FBXL17: variants seen among roughly 807,000 people sequenced by gnomAD.
The protein encoded by FBXL17 is F-box/LRR-repeat protein 17.
Under a neutral mutation model 66.2 loss-of-function variants are expected in FBXL17, and 22 were observed. The observed-to-expected ratio is 0.33, with a 90% CI of 0.24 to 0.47. FBXL17 has a LOEUF of 0.47. Among genes scored for constraint, FBXL17 ranks in the 20% least tolerant of loss-of-function variants. FBXL17 has a pLI of 1.00. For synonymous variants in FBXL17, 474 were observed against 400.5 expected (o/e 1.18, Z -2.19); for missense variants, 878 against 948.2 (o/e 0.93, Z 0.97).
chr5:108,126,424 C>T (rs998549976), intron 6 of FBXL17, among the ~76,000 whole-genome samples: 1 of 151,786 alleles, frequency 6.6e-6, no homozygotes, highest in East Asian at 1.9e-4. Context: ...AAGTAATAAG[C>T]CTAAAAATTT....
intron 4 of FBXL17, among the ~76,000 whole-genome samples, chr5:108,240,984 C>T (rs1755831070): frequency 6.6e-6 from 1 of 152,194 alleles, no homozygotes; most frequent in Non-Finnish European, 1.5e-5. Context: ...CGGTACACCT[C>T]TATGCAAGAG....
intron 6 of FBXL17, among the ~76,000 whole-genome samples, chr5:108,118,532 CACTACTGACATTT>C (rs778675452): frequency 5.1e-4 from 77 of 152,278 alleles, no homozygotes; most frequent in Admixed American, 1.6e-3. Context: ...TTTTGGTTTT[CACTACTGACATTT>C]AGGATGTCAT....
chr5:108,086,914 C>T (rs1048451156), intron 6 of FBXL17, among the ~76,000 whole-genome samples: 37 of 150,336 alleles, frequency 2.5e-4, no homozygotes, highest in Admixed American at 2.4e-3. Flanking sequence ...TCACCACTAC[C>T]GTGGCATACC....
intron 1 of FBXL17, among the ~76,000 whole-genome samples, chr5:108,369,216 T>C (rs1748870077): frequency 6.6e-6 from 1 of 152,180 alleles, no homozygotes; most frequent in Non-Finnish European, 1.5e-5. Context: ...CAGGTGTAAA[T>C]TGAGTATTCA....
chr5:108,188,839 C>CT (rs575402802), intron 5 of FBXL17, among the ~76,000 whole-genome samples: 32 of 151,540 alleles, frequency 2.1e-4, no homozygotes, highest in Non-Finnish European at 4.1e-4. Flanking sequence ...CTCATTGTAG[C>CT]TTTTTTTTTA....
rs375752595 is a variant in FBXL17, at chr5:108,230,678, C to T, written c.1507-6450G>A. Reference sequence around the variant, plus strand: ...TCACAAATCGTCACTGAAGAACTCACTCATATAACTAAATACCACCTGTTC... The same window carrying T: ...TCACAAATCGTCACTGAAGAACTCATTCATATAACTAAATACCACCTGTTC... On this transcript the variant is annotated intron_variant, in intron 4 of 8. Coordinates refer to ENST00000542267, the MANE Select transcript of FBXL17 (RefSeq NM_001163315.3). Among the ~76,000 whole-genome samples, 43 of 148,358 alleles carry T rather than the reference C, an allele frequency of 2.9e-4. No homozygotes were observed. The South Asian group carries it at 7.0e-3, about 24-fold the overall frequency.
intron 4 of FBXL17, among the ~76,000 whole-genome samples, chr5:108,250,183 T>A (rs1328812634): frequency 1.3e-5 from 2 of 152,142 alleles, no homozygotes; most frequent in African/African-American, 4.8e-5. Flanking sequence ...TGATGAATGC[T>A]ACAGCAAATT....
chr5:107,910,640 C>T (rs896782984), intron 7 of FBXL17, among the ~76,000 whole-genome samples: 2 of 151,956 alleles, frequency 1.3e-5, no homozygotes, highest in East Asian at 3.9e-4. Context: ...GATATAATTG[C>T]TTACCTAAAA....
intron 6 of FBXL17, among the ~76,000 whole-genome samples, chr5:108,087,163 G>A (rs1309144859): frequency 1.3e-5 from 2 of 152,154 alleles, no homozygotes; most frequent in Non-Finnish European, 2.9e-5. Flanking sequence ...GTTTATATGA[G>A]CCTATCAAGG....
chr5:107,940,353 T>A (rs1344091252), intron 7 of FBXL17, among the ~76,000 whole-genome samples: 2 of 151,928 alleles, frequency 1.3e-5, no homozygotes, highest in African/African-American at 2.4e-5. Context: ...CCACATAAAC[T>A]CAGTTTTTTG....
intron 6 of FBXL17, among the ~76,000 whole-genome samples, chr5:108,177,008 T>C (rs1319500245): frequency 6.6e-6 from 1 of 152,178 alleles, no homozygotes; most frequent in Non-Finnish European, 1.5e-5. Flanking sequence ...TGAAGATAAC[T>C]TTCTTCTTTT....
At chr5:108,180,728 T>C (rs1285067198) in intron 6 of FBXL17, among the ~76,000 whole-genome samples, 4 of 152,162 alleles carry the variant, frequency 2.6e-5, no homozygotes, top group African/African-American at 4.8e-5. Context: ...ATAATTGATA[T>C]TGACAACAAC....
At chr5:108,364,550 A>C (rs1580896130) in intron 3 of FBXL17, among the ~76,000 whole-genome samples, 188 bp downstream of exon 3, 1 of 152,090 alleles carries the variant, frequency 6.6e-6, no homozygotes, top group Non-Finnish European at 1.5e-5. Context: ...AAAACAAAGC[A>C]GTTAATTTAC....
At chr5:108,259,470 A>C (rs1436483823) in intron 4 of FBXL17, among the ~76,000 whole-genome samples, 1 of 152,198 alleles carries the variant, frequency 6.6e-6, no homozygotes, top group Non-Finnish European at 1.5e-5. Context: ...AGTTGTTTAC[A>C]TTCCTGACCT....
chr5:108,099,488 T>A (rs1023922680), intron 6 of FBXL17, among the ~76,000 whole-genome samples: 2 of 152,112 alleles, frequency 1.3e-5, no homozygotes, highest in African/African-American at 4.8e-5. Flanking sequence ...GACAAAAGAT[T>A]AGAAAAAATC....
intron 4 of FBXL17, among the ~76,000 whole-genome samples, chr5:108,327,191 T>C (rs752648190): frequency 4.6e-5 from 7 of 152,238 alleles, no homozygotes; most frequent in Admixed American, 6.5e-5. Flanking sequence ...CTAGGAATTG[T>C]TGTCAACAAT....
At chr5:108,245,880 A>G (rs1274857771) in intron 4 of FBXL17, among the ~76,000 whole-genome samples, 1 of 152,226 alleles carries the variant, frequency 6.6e-6, no homozygotes, top group Non-Finnish European at 1.5e-5. Context: ...GGGTATTTTC[A>G]TGATAACTCT....
chr5:107,970,476 T>G (rs1304239701), intron 7 of FBXL17, among the ~76,000 whole-genome samples: 1 of 152,148 alleles, frequency 6.6e-6, no homozygotes, highest in Non-Finnish European at 1.5e-5. Context: ...GCCCTTAACT[T>G]TAATTTCGTC....
chr5:108,169,712 C>T (rs549450362), intron 6 of FBXL17, among the ~76,000 whole-genome samples: 3 of 152,270 alleles, frequency 2.0e-5, no homozygotes, highest in South Asian at 4.1e-4. Flanking sequence ...TTTTTAAGGG[C>T]CGTGTCTACC....
Sources: allele counts gnomAD v4.1 joint callset (sites outside exome capture counted in the v4.1 genomes callset), GRCh38; gene constraint gnomAD v4.1.1; transcripts MANE v1.5; gene names NCBI Gene and HGNC (gene_info 2026-07-23, HGNC 2026-07-21).